Variants in RAPSN observed in about 807,000 individuals in gnomAD.
RAPSN encodes 43 kDa receptor-associated protein of the synapse.
In RAPSN, 33 loss-of-function variants were observed where a neutral mutation model predicts 45.7. The ratio of observed to expected loss-of-function variants is 0.72; its 90% CI spans 0.55 to 0.97. RAPSN has a LOEUF of 0.97. RAPSN is among the 50% of genes least tolerant of loss of function. The pLI is 0.00. For missense variants in RAPSN, 519 were observed against 559.4 expected (o/e 0.93, Z 0.73); for synonymous variants, 244 against 233.6 (o/e 1.04, Z -0.40).
At chr11:47,445,236 A>AT (rs1555143080) in intron 2 of RAPSN, among the ~76,000 whole-genome samples, 1 of 151,518 alleles carries the variant, frequency 6.6e-6, no homozygotes, top group African/African-American at 2.4e-5. Flanking sequence ...TCTCTAAAAA[A>AT]AAATATATAT....
chr11:47,440,928 A>G (rs1404994522), intron 6 of RAPSN, among the ~76,000 whole-genome samples: 7 of 152,174 alleles, frequency 4.6e-5, no homozygotes, highest in Non-Finnish European at 2.9e-5. Context: ...AATCAACATC[A>G]GGAAGCTTCT....
At chr11:47,444,857 CA>C (rs10611957) in intron 2 of RAPSN, among the ~76,000 whole-genome samples, 23,227 of 80,748 alleles carry the variant, frequency 0.29, 1,738 homozygotes, top group South Asian at 0.4. Context: ...GACACTGTCT[CA>C]AAAAAAAAAA....
At chr11:47,442,918 G>A (rs911549732) in intron 2 of RAPSN, 104 bp from the exon 3 acceptor site, 36 of 1,565,198 alleles carry the variant, frequency 2.3e-5, no homozygotes, top group Non-Finnish European at 3.0e-5. Flanking sequence ...GGGGCAGGGG[G>A]CCCGAGTGTC....
At chr11:47,439,672 C>A (rs1347410098) in intron 6 of RAPSN, among the ~76,000 whole-genome samples, 2 of 149,332 alleles carry the variant, frequency 1.3e-5, no homozygotes, top group East Asian at 3.9e-4. Flanking sequence ...AAGTGGTGAA[C>A]CTGTTTTCAA....
At chr11:47,439,648 TG>T (rs1200124381) in intron 6 of RAPSN, among the ~76,000 whole-genome samples, 1 of 151,606 alleles carries the variant, frequency 6.6e-6, no homozygotes, top group African/African-American at 2.4e-5. Context: ...AATGCACATC[TG>T]GAAGGCTTTG....
Position 47,449,133 on chromosome 11 carries a change from G to A in RAPSN, c.-169C>T, listed in dbSNP as rs1467706137. ...GGATGGAGAGCAGGCGCCACCCTGG[G>A]AACAAAGCTGGTTCAGCCCGTCTGC... On this transcript the variant is annotated 5_prime_UTR_variant, in exon 1 of 8. Transcript: ENST00000298854. 1.3e-6 allele frequency: 1 copy of A among 782,786 alleles called. No individual in the cohort carries two copies. The highest frequency in any genetic ancestry group is 1.7e-5 in the African/African-American group (1 of 58,602). 48.5% of individuals were successfully genotyped at this position (782,786 alleles called of 1,614,324 possible).
chr11:47,441,706 T>A lies in RAPSN; in HGVS notation c.817A>T (p.Met273Leu), dbSNP rs1397711588. The A allele has an allele frequency of 4.4e-6, 7 of 1,608,848 alleles. No individual in the cohort carries two copies. Among genetic ancestry groups the A allele is most frequent in the African/African-American group, 2.7e-5 (2 of 75,044 alleles). ...ETAFPRYDSAMSIMTEIGNRL... is the reference protein window; with the variant it reads ...ETAFPRYDSALSIMTEIGNRL... ...TTTCCGATCTCGGTCATGATGCTCA[T>A]GGCGGAGTCGTACCTGGGGAAGGCT... The change falls in exon 5 of 8, where the codon ATG becomes TTG. Residue 273 changes from methionine (M) to leucine (L), a missense_variant. Physicochemically the swap from Met to Leu is conservative, Grantham distance 15. Transcript: ENST00000298854.
intron 1 of RAPSN, 112 bp downstream of exon 1, chr11:47,448,661 G>A: frequency 7.2e-7 from 1 of 1,384,852 alleles, no homozygotes; most frequent in Non-Finnish European, 9.9e-7. Context: ...GGCCCTGGCT[G>A]CCAGCCTGTG....
At chr11:47,448,251 C>T (rs2076426348) in intron 1 of RAPSN, 101 bp from the exon 2 acceptor site, 2 of 1,252,950 alleles carry the variant, frequency 1.6e-6, no homozygotes, top group African/African-American at 2.9e-5. Flanking sequence ...CACACCCACC[C>T]CCCAGCCTCA....
chr11:47,446,820 G>A (rs901542490), intron 2 of RAPSN, among the ~76,000 whole-genome samples: 3 of 152,264 alleles, frequency 2.0e-5, no homozygotes, highest in East Asian at 1.9e-4. Context: ...CAGGAGAATC[G>A]CTTGAACCCA....
chr11:47,446,836 C>T (rs768098391), intron 2 of RAPSN, among the ~76,000 whole-genome samples: 3 of 152,156 alleles, frequency 2.0e-5, no homozygotes, highest in Non-Finnish European at 2.9e-5. Context: ...ACCCAGGAGG[C>T]GGAGGTTGCA....
At chr11:47,444,273 C>G (rs1345823939) in intron 2 of RAPSN, among the ~76,000 whole-genome samples, 1 of 152,122 alleles carries the variant, frequency 6.6e-6, no homozygotes, top group Non-Finnish European at 1.5e-5. Context: ...TGCAATGGCT[C>G]ATGTCTGTAA....
chr11:47,447,418 A>G (rs998562925), intron 2 of RAPSN, among the ~76,000 whole-genome samples: 1 of 152,148 alleles, frequency 6.6e-6, no homozygotes, highest in Non-Finnish European at 1.5e-5. Flanking sequence ...TGGTCAATAA[A>G]TATTTGATGA....
intron 2 of RAPSN, among the ~76,000 whole-genome samples, chr11:47,445,593 CAAAAAA>C (rs61001294): frequency 1.7e-5 from 1 of 58,330 alleles, no homozygotes; most frequent in East Asian, 5.7e-4. Flanking sequence ...GAGACTGTCT[CAAAAAA>C]AAAAAAAAAA....
chr11:47,438,765 T>C lies in RAPSN; in HGVS notation c.1133A>G (p.Gln378Arg). ...ESIGEKNSRL[Q>R]ALPCSHIFHL... The stretch of plus-strand genomic sequence containing the variant: ...GAAGATGTGGGAGCAAGGTAGGGCC[T>C]GCAGCCGGCTGTTCTTCTCGCCTAT... The change falls in exon 7 of 8, where the codon CAG becomes CGG. Residue 378 changes from glutamine (Q) to arginine (R), a missense_variant. Physicochemically the swap from Gln to Arg is conservative, Grantham distance 43. Coordinates refer to ENST00000298854, the MANE Select transcript of RAPSN (RefSeq NM_005055.5). 1 of 1,564,042 alleles carries C rather than the reference T, an allele frequency of 6.4e-7. No individual in the cohort carries two copies. The highest frequency in any genetic ancestry group is 2.3e-5 in the East Asian group (1 of 42,814).
chr11:47,441,937 G>C lies in RAPSN; in HGVS notation c.691-16C>G. 2 of 1,555,058 alleles carry C rather than the reference G, an allele frequency of 1.3e-6. No homozygotes were observed. Among genetic ancestry groups the C allele is most frequent in the Non-Finnish European group, 1.7e-6 (2 of 1,154,668 alleles). On this transcript the variant is annotated splice_polypyrimidine_tract_variant and intron_variant, in intron 3 of 7. Transcript: ENST00000298854. ...TCATAGACTCCTGCGAGGGAGGCCA[G>C]TGGCTCAGGCCTACTCCTCTGCCAC... is the stretch of plus-strand genomic sequence containing the variant.
intron 7 of RAPSN, 47 bp from the exon 8 acceptor site, chr11:47,438,094 C>T: frequency 6.5e-7 from 1 of 1,543,456 alleles, no homozygotes; most frequent in Non-Finnish European, 8.8e-7. Context: ...CCTGTCCTTC[C>T]CTCCGGGCCC....
chr11:47,448,787 T>G lies in RAPSN; in HGVS notation c.178A>C (p.Lys60Gln), dbSNP rs1380619456. 18 of 1,610,958 alleles carry G rather than the reference T, an allele frequency of 1.1e-5. No individual in the cohort carries two copies. Among genetic ancestry groups the G allele is most frequent in the Non-Finnish European group, 1.4e-5 (17 of 1,179,990 alleles). Residue 60 changes from lysine (K) to glutamine (Q), a missense_variant, in exon 1 of 8, where the codon AAG becomes CAG. Transcript: ENST00000298854. ...GGTACACCCACCTTCAGCATCTCCT[T>G]GTAGCGGCCCATCTCCGAGTGGGCT... ...VTAHSEMGRYKEMLKFAVVQI... is the reference protein window; with the variant it reads ...VTAHSEMGRYQEMLKFAVVQI...
At position 47,438,980 on chromosome 11, in the gene RAPSN, C is replaced by T. The variant is rs571228071; in HGVS notation, c.967-49G>A. 2.6e-6 allele frequency: 4 copies of T among 1,536,172 alleles called. No homozygotes were observed. In the East Asian group the frequency reaches 7.4e-5, roughly 28 times the overall value. ...CGCCAGTGGGGGATGAGAACAAAGT[C>T]AGTGCAGGTAGGCTCCGGTCTCAGC... On this transcript the variant is annotated intron_variant, in intron 6 of 7. Coordinates refer to ENST00000298854, the MANE Select transcript of RAPSN (RefSeq NM_005055.5).
Sources: allele counts gnomAD v4.1 joint callset (sites outside exome capture counted in the v4.1 genomes callset), GRCh38; gene constraint gnomAD v4.1.1; transcripts MANE v1.5; gene names NCBI Gene and HGNC (gene_info 2026-07-23, HGNC 2026-07-21).